The following DCP1B variants were observed in gnomAD, a reference collection of about 807,000 sequenced individuals.
DCP1B encodes decapping mRNA 1B, also known as mRNA-decapping enzyme 1B.
Under a neutral mutation model 60.5 loss-of-function variants are expected in DCP1B, and 47 were observed. The ratio of observed to expected loss-of-function variants is 0.78; its 90% CI spans 0.61 to 0.99. DCP1B has a LOEUF of 0.99. Ranked by LOEUF, DCP1B falls within the 50% of genes least tolerant of loss-of-function variation. The pLI, the probability that DCP1B is intolerant of heterozygous loss-of-function variation, is 0.00. For synonymous variants in DCP1B, 267 were observed against 280.3 expected, an observed-to-expected ratio of 0.95 and a Z score of 0.47; for missense variants, 725 against 756.8, an observed-to-expected ratio of 0.96 and a Z score of 0.49.
chr12:1,983,804 A>G (rs1295911862), intron 3 of DCP1B, among the ~76,000 whole-genome samples: 1 of 151,994 alleles, frequency 6.6e-6, no homozygotes, highest in African/African-American at 2.4e-5. Context: ...TATTGATTGT[A>G]GAAAGTGGAG....
At chr12:1,982,868 T>A (rs544928719) in intron 3 of DCP1B, among the ~76,000 whole-genome samples, 1 of 152,264 alleles carries the variant, frequency 6.6e-6, no homozygotes, top group East Asian at 1.9e-4. Flanking sequence ...GTATTATTCC[T>A]CCCTTGAACA....
chr12:2,002,908 CAAACAA>C (rs2042508056), intron 1 of DCP1B, among the ~76,000 whole-genome samples: 1 of 150,282 alleles, frequency 6.7e-6, no homozygotes, highest in Non-Finnish European at 1.5e-5. Context: ...AAAAAACAAA[CAAACAA>C]AAACAAACAA....
chr12:2,003,905 T>C (rs922116280), intron 1 of DCP1B, among the ~76,000 whole-genome samples: 3 of 152,036 alleles, frequency 2.0e-5, no homozygotes, highest in African/African-American at 7.2e-5. Context: ...TGTCCCTGCC[T>C]CCCCCATAGC....
At chr12:1,958,094 G>A (rs1490540159) in intron 5 of DCP1B, among the ~76,000 whole-genome samples, 1,272 of 67,872 alleles carry the variant, frequency 0.019, no homozygotes, top group Middle Eastern at 0.026. Context: ...CTTTTTCTAT[G>A]AACCTCCTGG....
intron 4 of DCP1B, chr12:1,965,969 A>AAGT (rs2031280773): frequency 2.9e-6 from 1 of 350,670 alleles, no homozygotes; most frequent in South Asian, 4.3e-5. Context: ...CAAGCTCAAC[A>AAGT]CAGCCATGCT....
chr12:1,943,671 A>G (rs1032469784), downstream of DCP1B, among the ~76,000 whole-genome samples: 2 of 152,246 alleles, frequency 1.3e-5, no homozygotes, highest in Non-Finnish European at 2.9e-5. Flanking sequence ...TCACATAAAC[A>G]GAACCAATGA....
At chr12:1,963,311 CTAT>C (rs1312081023) in intron 5 of DCP1B, among the ~76,000 whole-genome samples, 6 of 152,176 alleles carry the variant, frequency 3.9e-5, no homozygotes, top group Non-Finnish European at 7.4e-5. Context: ...TCTTTAAGTT[CTAT>C]TATTCTCTCC....
chr12:1,949,736 C>T (rs1426526699), intron 7 of DCP1B, among the ~76,000 whole-genome samples: 1 of 152,204 alleles, frequency 6.6e-6, no homozygotes, highest in African/African-American at 2.4e-5. Flanking sequence ...CCCTCCTGAC[C>T]CCGGAGCACA....
chr12:2,003,417 A>C (rs958482824), intron 1 of DCP1B, among the ~76,000 whole-genome samples: 2 of 152,266 alleles, frequency 1.3e-5, no homozygotes, highest in African/African-American at 2.4e-5. Context: ...TATGTGATAC[A>C]TAATGGATGA....
chr12:1,970,934 C>A (rs2154457654), intron 3 of DCP1B: 1 of 412,212 alleles, frequency 2.4e-6, no homozygotes, highest in Non-Finnish European at 4.2e-6. Flanking sequence ...ACGGCCATGT[C>A]AACTTTTGTG....
rs771302202 is a variant in DCP1B at position 1,971,035 on chromosome 12, C to G, written c.320-3125G>C. Reference sequence around the variant, plus strand: ...ATAATTATTTAGCTTTAAAAATCAACCAATTAATATACATCTGGAAATTCA... The same window carrying G: ...ATAATTATTTAGCTTTAAAAATCAAGCAATTAATATACATCTGGAAATTCA... On this transcript the variant is annotated intron_variant, in intron 3 of 8. Transcript: ENST00000280665. This position sits in a 1 kb window ranked among gnomAD's most constrained non-coding sequence, Gnocchi z 4.2. The G allele has an allele frequency of 9.5e-6, 12 of 1,260,148 alleles. No homozygotes were observed. In the Admixed American group the frequency reaches 3.0e-4, roughly 32 times the overall value. The allele number at this position is 1,260,148 out of a possible 1,614,324, so 78.1% of individuals were successfully genotyped here. A position where few individuals can be genotyped will look rare whatever the true frequency, so the allele number is the denominator to read the frequency against.
intron 2 of DCP1B, among the ~76,000 whole-genome samples, chr12:1,996,650 A>AC (rs2040941800): frequency 2.3e-5 from 1 of 43,402 alleles, no homozygotes; most frequent in East Asian, 5.7e-4. Context: ...AAAAAAAAAA[A>AC]AAAAACAACA....
chr12:2,000,464 CTTAA>C (rs1180663231), intron 1 of DCP1B, among the ~76,000 whole-genome samples: 1 of 147,856 alleles, frequency 6.8e-6, no homozygotes, highest in African/African-American at 2.5e-5. Flanking sequence ...ATTCTCTTTT[CTTAA>C]TTAAAAAAAA....
Position 1,984,971 on chromosome 12 carries a change from A to T in DCP1B, c.319+8293T>A, listed in dbSNP as rs962424060. On this transcript the variant is annotated intron_variant, in intron 3 of 8. Transcript: ENST00000280665. ...ACATAATTTCTGATAAGAAATCTGC[A>T]GTCATTCAAAACATTATTATCCTAG... Among the ~76,000 whole-genome samples, 5 of 151,846 alleles carry T rather than the reference A, an allele frequency of 3.3e-5. No individual in the cohort carries two copies. The East Asian group carries it at 7.7e-4, about 23-fold the overall frequency.
intron 3 of DCP1B, among the ~76,000 whole-genome samples, chr12:1,990,070 G>C (rs1315874367): frequency 6.6e-6 from 1 of 152,064 alleles, no homozygotes; most frequent in Non-Finnish European, 1.5e-5. Context: ...TCACTGCTTG[G>C]GCCTTGGGTC....
intron 3 of DCP1B, among the ~76,000 whole-genome samples, chr12:1,990,260 G>A (rs1437763584): frequency 2.6e-5 from 4 of 152,208 alleles, no homozygotes; most frequent in Non-Finnish European, 5.9e-5. Context: ...TTGGCAGACA[G>A]TAAATGTTTG....
At chr12:1,943,598 T>C (rs1012391493), downstream of DCP1B, among the ~76,000 whole-genome samples, 7 of 152,120 alleles carry the variant, frequency 4.6e-5, no homozygotes, top group Non-Finnish European at 8.8e-5. Context: ...ACCACGATCA[T>C]GTCAGCTTCA....
rs912353495 is a variant in DCP1B at position 1,948,244 on chromosome 12, G to T, written c.1773+842C>A. Among the ~76,000 whole-genome samples the T allele has an allele frequency of 1.4e-4, 21 of 152,194 alleles. No homozygotes were observed. Among genetic ancestry groups the T allele is most frequent in the Non-Finnish European group, 2.4e-4 (16 of 68,032 alleles). On this transcript the variant is annotated intron_variant, in intron 8 of 8. Transcript: ENST00000280665. This position sits in a 1 kb window ranked among gnomAD's most constrained non-coding sequence, Gnocchi z 4.8. ...GGGCACCTGTGCTGAATGTTCTCCC[G>T]AGGCTGGTCCCTGCCAACATTCATG...
At chr12:2,004,038 C>T (rs2042800264) in intron 1 of DCP1B, among the ~76,000 whole-genome samples, 1 of 152,156 alleles carries the variant, frequency 6.6e-6, no homozygotes, top group Non-Finnish European at 1.5e-5. Context: ...GGTCTGGTCT[C>T]CCAGCGTTGG....
Sources: gnomAD v4.1 joint callset for allele counts (sites outside exome capture counted in the v4.1 genomes callset) on GRCh38, gnomAD v4.1.1 for gene constraint, Gnocchi (gnomAD v3.1) non-coding constraint, MANE v1.5 for transcripts, NCBI Gene and HGNC (gene_info 2026-07-23, HGNC 2026-07-21) for gene names.